Variants in FSTL5 observed in about 807,000 individuals in gnomAD.
FSTL5 encodes follistatin-related protein 5.
FSTL5 carries 62 observed loss-of-function variants against 89.1 expected under a neutral mutation model. The ratio of observed to expected loss-of-function variants is 0.70; its 90% confidence interval spans 0.57 to 0.86. The LOEUF (loss-of-function observed/expected upper bound fraction) is 0.86, where lower values mean the gene tolerates loss of function less well. Among genes scored for constraint, FSTL5 ranks in the 40% least tolerant of loss-of-function variants. FSTL5 has a pLI of 0.00. For missense variants in FSTL5, 1,057 were observed against 1,001.6 expected (o/e 1.06, Z -0.75); for synonymous variants, 383 against 346.2 (o/e 1.11, Z -1.18).
chr4:161,463,528 T>A (rs2126418905), intron 13 of FSTL5, among the ~76,000 whole-genome samples: 1 of 152,286 alleles, frequency 6.6e-6, no homozygotes, highest in African/African-American at 2.4e-5. Context: ...TGACCCAATT[T>A]TCAGTCAGAA....
chr4:161,477,035 TC>T (rs1473351490), intron 13 of FSTL5, among the ~76,000 whole-genome samples: 13 of 152,192 alleles, frequency 8.5e-5, no homozygotes, highest in African/African-American at 3.1e-4. Flanking sequence ...TTTTCCTGAT[TC>T]CTGAAGTAAA....
At position 161,995,368 on chromosome 4, in the gene FSTL5, T is replaced by C. The variant is rs181123808; in HGVS notation, c.160+38257A>G. Among the ~76,000 whole-genome samples, 349 of 152,244 alleles carry C rather than the reference T, an allele frequency of 2.3e-3. 2 individuals are homozygous for C. The highest frequency in any genetic ancestry group is 7.2e-3 in the African/African-American group (300 of 41,538). On this transcript the variant is annotated intron_variant, in intron 3 of 15. Transcript: ENST00000306100. ...CAGTAACTTGCCGAACTTTGCATAG[T>C]GAAGATGCAATGGAATCAGAATTCC... is the stretch of plus-strand genomic sequence containing the variant.
At chr4:161,476,988 A>G (rs1259334337) in intron 13 of FSTL5, among the ~76,000 whole-genome samples, 1 of 152,174 alleles carries the variant, frequency 6.6e-6, no homozygotes, top group Non-Finnish European at 1.5e-5. Context: ...ATGTTTATCA[A>G]TTCCCTTGCT....
chr4:162,158,196 G>A (rs1343885972), intron 1 of FSTL5, among the ~76,000 whole-genome samples: 1 of 152,026 alleles, frequency 6.6e-6, no homozygotes, highest in Non-Finnish European at 1.5e-5. Context: ...TTCATCTCCA[G>A]TAGGACTTTT....
intron 7 of FSTL5, among the ~76,000 whole-genome samples, chr4:161,594,589 A>G (rs1192847297): frequency 1.3e-5 from 2 of 151,980 alleles, no homozygotes; most frequent in Non-Finnish European, 2.9e-5. Context: ...TATCTAAATT[A>G]CCATTACCAT....
chr4:161,941,011 C>T (rs1223201219), intron 3 of FSTL5, among the ~76,000 whole-genome samples: 1 of 151,336 alleles, frequency 6.6e-6, no homozygotes, highest in Non-Finnish European at 1.5e-5. Context: ...TTTGTGAAAA[C>T]AACATAAAGG....
chr4:162,004,631 G>A (rs557557196), intron 3 of FSTL5, among the ~76,000 whole-genome samples: 1 of 152,184 alleles, frequency 6.6e-6, no homozygotes, highest in Non-Finnish European at 1.5e-5. Context: ...ACATTTCTTA[G>A]ACTACCACAC....
chr4:161,490,020 A>C (rs1313223976), intron 12 of FSTL5, among the ~76,000 whole-genome samples: 2 of 152,028 alleles, frequency 1.3e-5, no homozygotes, highest in Admixed American at 6.6e-5. Context: ...TATTTGCTTT[A>C]TTCATATAAG....
intron 3 of FSTL5, among the ~76,000 whole-genome samples, chr4:162,014,665 A>G (rs1282881818): frequency 6.6e-6 from 1 of 152,194 alleles, no homozygotes; most frequent in Admixed American, 6.6e-5. Context: ...ATCCAAGTCA[A>G]GAAAGTGAAG....
intron 3 of FSTL5, among the ~76,000 whole-genome samples, chr4:161,997,856 G>C (rs1452544011): frequency 6.6e-6 from 1 of 151,734 alleles, no homozygotes. Flanking sequence ...CGCCCACCTC[G>C]GCCTCCCAAA....
intron 4 of FSTL5, among the ~76,000 whole-genome samples, chr4:161,776,530 C>T (rs971295188): frequency 1.2e-4 from 12 of 100,952 alleles, no homozygotes; most frequent in Admixed American, 8.1e-4. Context: ...TATATATGTA[C>T]GTATATGCAT....
chr4:161,742,493 T>C (rs559356931), intron 6 of FSTL5, among the ~76,000 whole-genome samples: 8 of 152,320 alleles, frequency 5.3e-5, no homozygotes, highest in African/African-American at 1.9e-4. Flanking sequence ...TTTTTTAAAA[T>C]ATTATTATTG....
At chr4:161,830,337 T>C (rs6814878) in intron 4 of FSTL5, among the ~76,000 whole-genome samples, 105,193 of 151,850 alleles carry the variant, frequency 0.69, 36,892 homozygotes, top group Non-Finnish European at 0.75. Flanking sequence ...AGTTCTTATG[T>C]GGATAGTAAG....
At chr4:162,068,803 G>T (rs1729462732) in intron 2 of FSTL5, among the ~76,000 whole-genome samples, 3 of 151,954 alleles carry the variant, frequency 2.0e-5, no homozygotes, top group African/African-American at 7.2e-5. Flanking sequence ...TCGGACAAAG[G>T]TCTAATATCC....
At position 161,808,294 on chromosome 4, in the gene FSTL5, T is replaced by C. The variant is rs1395151408; in HGVS notation, c.410-32220A>G. 3.3e-5 allele frequency among the ~76,000 whole-genome samples: 5 copies of C among 152,196 alleles called. No homozygotes were observed. The East Asian group carries it at 9.7e-4, about 29-fold the overall frequency. ...AAAAAAATCAAACATAGAATTACCA[T>C]AAGATCCAGCAACTCCACTTATAGG... On this transcript the variant is annotated intron_variant, in intron 4 of 15. Transcript: ENST00000306100.
intron 4 of FSTL5, among the ~76,000 whole-genome samples, chr4:161,864,872 A>AAAT (rs749949977): frequency 2.1e-4 from 5 of 24,106 alleles, no homozygotes; most frequent in African/African-American, 6.5e-4. Context: ...CTTCGTCTCA[A>AAAT]AAAAAAAAAA....
chr4:161,435,085 C>G (rs535061052), intron 15 of FSTL5, among the ~76,000 whole-genome samples: 1 of 151,938 alleles, frequency 6.6e-6, no homozygotes, highest in Admixed American at 6.6e-5. Context: ...TATAACCCCC[C>G]AAAAAGGAAA....
intron 3 of FSTL5, among the ~76,000 whole-genome samples, chr4:162,011,078 G>C (rs1263731349): frequency 6.6e-6 from 1 of 152,134 alleles, no homozygotes; most frequent in African/African-American, 2.4e-5. Context: ...CACGAAGGCA[G>C]AACACATCTG....
intron 2 of FSTL5, among the ~76,000 whole-genome samples, chr4:162,037,377 G>A (rs1171024423): frequency 6.6e-6 from 1 of 151,844 alleles, no homozygotes; most frequent in Admixed American, 6.6e-5. Flanking sequence ...AATTGTGGAA[G>A]CTGAGTGTTT....
Sources: gnomAD v4.1 joint callset for allele counts (sites outside exome capture counted in the v4.1 genomes callset) on GRCh38, gnomAD v4.1.1 for gene constraint, MANE v1.5 for transcripts, NCBI Gene and HGNC (gene_info 2026-07-23, HGNC 2026-07-21) for gene names.